Variants in OTUD7B observed in about 807,000 individuals in gnomAD.
OTUD7B encodes OTU deubiquitinase 7B, also known as OTU domain-containing protein 7B.
A neutral mutation model predicts 82.2 loss-of-function variants in OTUD7B; 34 were observed. The observed-to-expected ratio is 0.41, with a 90% confidence interval of 0.31 to 0.55. The LOEUF is 0.55. Ranked by LOEUF, OTUD7B falls within the 20% of genes least tolerant of loss-of-function variation. The pLI is 0.20. For synonymous variants in OTUD7B, 398 were observed against 402.7 expected (o/e 0.99, Z 0.14); for missense variants, 944 against 1,062.1 (o/e 0.89, Z 1.55).
chr1:150,000,024 T>C (rs1652170874), intron 1 of OTUD7B, among the ~76,000 whole-genome samples: 1 of 152,210 alleles, frequency 6.6e-6, no homozygotes, highest in African/African-American at 2.4e-5. Flanking sequence ...CAACTTTGAT[T>C]AGTTAATATA....
Position 149,971,192 on chromosome 1 carries a change from C to A in OTUD7B, c.145G>T (p.Ala49Ser). ...SDFEQLRQVHAGNLPPSFSEG... is the reference protein window; with the variant it reads ...SDFEQLRQVHSGNLPPSFSEG... The stretch of plus-strand genomic sequence containing the variant: ...CTAAAGGATGGGGGTAGGTTTCCAG[C>A]ATGGACTTGACGTAGCTGTTCAAAA... The change falls in exon 3 of 12, where the codon GCT becomes TCT. Residue 49 changes from alanine (A) to serine (S), a missense_variant. Ala to Ser is a moderately conservative substitution (Grantham distance 99, BLOSUM62 1). Coordinates refer to ENST00000581312, the MANE Select transcript of OTUD7B (RefSeq NM_020205.4). 1.2e-6 allele frequency: 2 copies of A among 1,613,830 alleles called. No individual in the cohort carries two copies. Among genetic ancestry groups the A allele is most frequent in the Non-Finnish European group, 1.7e-6 (2 of 1,179,764 alleles).
the OTUD7B span, among the ~76,000 whole-genome samples, chr1:150,038,460 C>G: frequency 6.6e-6 from 1 of 151,976 alleles, no homozygotes; most frequent in African/African-American, 2.4e-5. Context: ...GATCTCAGCT[C>G]ACTGCAATCT....
At chr1:149,986,804 G>A (rs1651176675) in intron 1 of OTUD7B, among the ~76,000 whole-genome samples, 1 of 152,130 alleles carries the variant, frequency 6.6e-6, no homozygotes, top group Non-Finnish European at 1.5e-5. Flanking sequence ...TAGGTGGGAG[G>A]GAGAGATGAA....
chr1:150,016,073 G>T, the OTUD7B span, among the ~76,000 whole-genome samples: 544 of 152,272 alleles, frequency 3.6e-3, 3 homozygotes, highest in African/African-American at 0.012. Context: ...AAAGAATCTG[G>T]GTCTTTGGTG....
In OTUD7B at chr1:149,947,271, G is replaced by A. The variant is rs2101730202; in HGVS notation, c.1303C>T (p.Pro435Ser). ...LHSYMNVKWI[P>S]LSSDAQAPLA... is the part of the protein sequence containing the mutation. ...TTCACCTGTGCATCAGAGGACAGTGGGATCCACTTCACATTCATGTAGCTA... is the reference window on the plus strand; with the variant it reads ...TTCACCTGTGCATCAGAGGACAGTGAGATCCACTTCACATTCATGTAGCTA... Residue 435 changes from proline to serine, a missense_variant, in exon 11 of 12, where the codon CCA becomes TCA. By Grantham distance (74) the Pro-to-Ser change is moderately conservative. Around this residue, in one of 3 missense-constraint regions of OTUD7B, gnomAD observed 530 missense variants for 625.6 expected, o/e 0.85. Transcript: ENST00000581312. The A allele has an allele frequency of 6.2e-7, 1 of 1,604,790 alleles. No homozygotes were observed. Among genetic ancestry groups the A allele is most frequent in the Non-Finnish European group, 8.5e-7 (1 of 1,171,662 alleles).
intron 4 of OTUD7B, 94 bp from the exon 5 acceptor site, chr1:149,965,972 G>T: frequency 1.1e-6 from 1 of 904,256 alleles, no homozygotes; most frequent in Non-Finnish European, 1.8e-6. Context: ...GCCTCCTCTA[G>T]GAGGCCTACC....
In OTUD7B at chr1:149,944,648, C is replaced by A. The variant is rs1274208494; in HGVS notation, c.1741G>T (p.Val581Phe). Residue 581 changes from valine to phenylalanine, a missense_variant, in exon 12 of 12, where the codon GTT becomes TTT. Physicochemically the swap from Val to Phe is conservative, Grantham distance 50 (BLOSUM62 -1). Around this residue, in one of 3 missense-constraint regions of OTUD7B, gnomAD observed 412 missense variants for 418.7 expected, o/e 0.98. Coordinates refer to ENST00000581312, the MANE Select transcript of OTUD7B (RefSeq NM_020205.4). The stretch of plus-strand genomic sequence containing the variant: ...CTATACTTGCTCCCTCCGTTACCAA[C>A]AGACTCAGCTGGGGGCTTCTCAGAC... ...PVSEKPPAES[V>F]GNGGSKYSQE... 4.3e-6 allele frequency: 7 copies of A among 1,613,928 alleles called. No homozygotes were observed. The highest frequency in any genetic ancestry group is 2.7e-5 in the African/African-American group (2 of 74,912).
chr1:150,027,554 T>G, the OTUD7B span, among the ~76,000 whole-genome samples: 1 of 152,074 alleles, frequency 6.6e-6, no homozygotes, highest in East Asian at 1.9e-4. Context: ...GCCGCTGCAC[T>G]CCAACCTAGG....
At chr1:150,030,797 T>A in the OTUD7B span, among the ~76,000 whole-genome samples, 15 of 152,352 alleles carry the variant, frequency 9.8e-5, no homozygotes, top group African/African-American at 3.6e-4. Flanking sequence ...CTTTCATGAT[T>A]ACTATTGTTT....
intron 2 of OTUD7B, among the ~76,000 whole-genome samples, chr1:149,974,532 C>T (rs797040411): frequency 1 from 138,319 of 138,366 alleles, 69,136 homozygotes; most frequent in Middle Eastern, 1. Flanking sequence ...TATTTTTCTT[C>T]TTTTTTTTTC....
At chr1:150,015,762 G>C in the OTUD7B span, among the ~76,000 whole-genome samples, 1 of 152,120 alleles carries the variant, frequency 6.6e-6, no homozygotes, top group Admixed American at 6.6e-5. Context: ...GGCTTCAGGG[G>C]AGATTGGCCT....
chr1:149,967,952 C>T (rs934715957), intron 3 of OTUD7B, among the ~76,000 whole-genome samples: 3 of 152,016 alleles, frequency 2.0e-5, no homozygotes, highest in African/African-American at 7.2e-5. Context: ...TTGGGAAATA[C>T]CTTTTCTAAA....
chr1:149,944,145 A>T lies in OTUD7B; in HGVS notation c.2244T>A (p.Ser748=). ...RPYPHQDSIP[S]LEPGSHSKDG... ...CCTTAGAGTGGCTGCCTGGCTCCAG[A>T]GAAGGGATGCTGTCCTGGTGGGGGT... The change falls in exon 12 of 12, where the codon TCT becomes TCA. Residue 748 remains serine, a synonymous_variant. Coordinates refer to ENST00000581312, the MANE Select transcript of OTUD7B (RefSeq NM_020205.4). The T allele has an allele frequency of 6.2e-7, 1 of 1,613,966 alleles. No individual in the cohort carries two copies. The highest frequency in any genetic ancestry group is 8.5e-7 in the Non-Finnish European group (1 of 1,179,934).
At chr1:149,949,571 T>A in intron 9 of OTUD7B, 58 bp downstream of exon 9, 2 of 1,558,294 alleles carry the variant, frequency 1.3e-6, no homozygotes, top group Non-Finnish European at 1.8e-6. Context: ...CTACATTAGA[T>A]CTCATTCAAT....
chr1:150,063,602 G>C, the OTUD7B span, among the ~76,000 whole-genome samples: 1 of 152,206 alleles, frequency 6.6e-6, no homozygotes, highest in Non-Finnish European at 1.5e-5. Context: ...CACAGGATTT[G>C]ATAGCTGGTT....
chr1:149,987,717 AAC>A (rs1241901712), intron 1 of OTUD7B, among the ~76,000 whole-genome samples: 1 of 152,088 alleles, frequency 6.6e-6, no homozygotes, highest in Admixed American at 6.6e-5. Context: ...CCATTTCCAA[AAC>A]AGAGTCTTGA....
Position 149,982,148 on chromosome 1 carries a change from C to CTAAA in OTUD7B, c.-66-4576_-66-4573dup, listed in dbSNP as rs587666436. Among the ~76,000 whole-genome samples the CTAAA allele has an allele frequency of 7.4e-4, 111 of 150,868 alleles. 1 individual carries two copies. In the Middle Eastern group the frequency reaches 0.01, roughly 14 times the overall value. On this transcript the variant is annotated intron_variant, in intron 1 of 11. Transcript: ENST00000581312. The stretch of plus-strand genomic sequence containing the variant: ...TGGGCGACAGAGCGAGACTCCATCT[C>CTAAA]TAAATAAATAAATAAATAAATAAAT...
intron 1 of OTUD7B, among the ~76,000 whole-genome samples, chr1:150,004,657 T>C (rs1184425629): frequency 6.6e-6 from 1 of 151,762 alleles, no homozygotes; most frequent in Non-Finnish European, 1.5e-5. Context: ...ACACCCTCTA[T>C]AAACATAGCT....
chr1:150,027,727 TA>T, the OTUD7B span, among the ~76,000 whole-genome samples: 66 of 145,842 alleles, frequency 4.5e-4, no homozygotes, highest in African/African-American at 8.2e-4. Context: ...GGATAACTGC[TA>T]AAAAAAAAAA....
Sources: allele counts gnomAD v4.1 joint callset (sites outside exome capture counted in the v4.1 genomes callset), GRCh38; gene constraint gnomAD v4.1.1; regional missense constraint gnomAD v4.1.1; transcripts MANE v1.5; gene names NCBI Gene and HGNC (gene_info 2026-07-23, HGNC 2026-07-21).